Variants in MARCHF8 observed in about 807,000 individuals in gnomAD.
The protein encoded by MARCHF8 is membrane associated ring-CH-type finger 8.
In MARCHF8, 40 loss-of-function variants were observed where a neutral mutation model predicts 51.6. The observed-to-expected ratio is 0.77, with a 90% CI of 0.60 to 1.01. The LOEUF (loss-of-function observed/expected upper bound fraction) is 1.01, where lower values mean the gene tolerates loss of function less well. Among genes scored for constraint, MARCHF8 ranks in the 50% least tolerant of loss-of-function variants. MARCHF8 has a pLI of 0.00. For missense variants in MARCHF8, 685 were observed against 708.6 expected, an observed-to-expected ratio of 0.97 and a Z score of 0.38; for synonymous variants, 263 against 280.3, an observed-to-expected ratio of 0.94 and a Z score of 0.62.
At chr10:45,522,769 CAT>C (rs1200294024) in intron 2 of MARCHF8, among the ~76,000 whole-genome samples, 1 of 152,104 alleles carries the variant, frequency 6.6e-6, no homozygotes, top group African/African-American at 2.4e-5. Context: ...CAGAAACAAA[CAT>C]GAAAAACACA....
At chr10:45,489,304 A>G (rs2043040740) in intron 3 of MARCHF8, 63 bp downstream of exon 3, 1 of 1,242,230 alleles carries the variant, frequency 8.1e-7, no homozygotes, top group Non-Finnish European at 1.2e-6. Flanking sequence ...GTATAAACAC[A>G]TGTAAGGCAT....
intron 1 of MARCHF8, among the ~76,000 whole-genome samples, chr10:45,565,809 C>A (rs1476138935): frequency 6.6e-6 from 1 of 152,122 alleles, no homozygotes; most frequent in Admixed American, 6.6e-5. Flanking sequence ...GTATTAAGTC[C>A]GTGCAAGCCT....
chr10:45,458,350 T>C lies in MARCHF8; in HGVS notation c.1611A>G (p.Leu537=). 6.2e-7 allele frequency: 1 copy of C among 1,614,196 alleles called. No homozygotes were observed. Among genetic ancestry groups the C allele is most frequent in the Admixed American group, 1.7e-5 (1 of 60,034 alleles). Residue 537 remains leucine (L), a synonymous_variant, in exon 8 of 8, where the codon CTA becomes CTG. Transcript: ENST00000453424. Reference sequence around the variant, plus strand: ...GTTTATTTTCAAAGTTGGGCTCTGTTAGTGGAGATTTTTCAAAAATATTCT... The same window carrying C: ...GTTTATTTTCAAAGTTGGGCTCTGTCAGTGGAGATTTTTCAAAAATATTCT... ...SKKNIFEKSP[L]TEPNFENKHG...
chr10:45,486,294 G>A (rs558522562), intron 3 of MARCHF8, among the ~76,000 whole-genome samples: 3 of 152,180 alleles, frequency 2.0e-5, no homozygotes, highest in Admixed American at 6.5e-5. Context: ...GGCCGGGCAC[G>A]GTGGCTCACG....
rs2043208680 is a variant in MARCHF8 at position 45,498,143 on chromosome 10, C to A, written c.103-8726G>T. ...CATTTTAATTGTGGCAAAATACACA[C>A]AATGTAAACACACCATCATATAAAG... On this transcript the variant is annotated intron_variant, in intron 2 of 7. Transcript: ENST00000453424. 2.6e-5 allele frequency among the ~76,000 whole-genome samples: 4 copies of A among 152,140 alleles called. 1 individual carries two copies. In the South Asian group the frequency reaches 8.3e-4, roughly 32 times the overall value.
intron 1 of MARCHF8, among the ~76,000 whole-genome samples, chr10:45,543,191 C>T (rs2133313145): frequency 6.6e-6 from 1 of 152,292 alleles, no homozygotes; most frequent in Middle Eastern, 3.4e-3. Context: ...TGACATAACA[C>T]CGTCCTAGTG....
chr10:45,513,379 G>A (rs966886214), intron 2 of MARCHF8, among the ~76,000 whole-genome samples: 4 of 152,034 alleles, frequency 2.6e-5, no homozygotes, highest in East Asian at 1.9e-4. Flanking sequence ...CACCTACTAT[G>A]AGCCAGGTAC....
intron 2 of MARCHF8, among the ~76,000 whole-genome samples, chr10:45,491,405 GCACGTGC>G (rs1246004759): frequency 6.6e-6 from 1 of 152,132 alleles, no homozygotes; most frequent in Non-Finnish European, 1.5e-5. Flanking sequence ...GGGCATGGTG[GCACGTGC>G]CTATAATCCC....
intron 1 of MARCHF8, among the ~76,000 whole-genome samples, chr10:45,541,894 C>T (rs1323255881): frequency 6.6e-6 from 1 of 152,312 alleles, no homozygotes; most frequent in East Asian, 1.9e-4. Context: ...AACAACAAGG[C>T]TTTGGACTGT....
At chr10:45,468,604 C>T (rs1291216901) in intron 3 of MARCHF8, among the ~76,000 whole-genome samples, 1 of 152,136 alleles carries the variant, frequency 6.6e-6, no homozygotes, top group African/African-American at 2.4e-5. Flanking sequence ...CAAGGAGGAA[C>T]GTGAAGACAG....
chr10:45,576,848 G>T (rs997491319), intron 1 of MARCHF8, among the ~76,000 whole-genome samples: 1 of 151,110 alleles, frequency 6.6e-6, no homozygotes, highest in Non-Finnish European at 1.5e-5. Context: ...TCCCAGCTAC[G>T]CACGAAGCTA....
chr10:45,540,726 AAAAC>A (rs1235242991), intron 1 of MARCHF8, among the ~76,000 whole-genome samples: 5 of 152,354 alleles, frequency 3.3e-5, no homozygotes, highest in South Asian at 2.1e-4. Flanking sequence ...TTACAAGAAA[AAAAC>A]AAACAACCCC....
chr10:45,464,504 T>C (rs1589075857), intron 3 of MARCHF8, among the ~76,000 whole-genome samples, 177 bp from the exon 4 acceptor site: 1 of 152,244 alleles, frequency 6.6e-6, no homozygotes, highest in Non-Finnish European at 1.5e-5. Context: ...ATCACTATTT[T>C]TTTCTTATCT....
At chr10:45,533,776 C>T (rs866004065) in intron 1 of MARCHF8, among the ~76,000 whole-genome samples, 3 of 152,128 alleles carry the variant, frequency 2.0e-5, no homozygotes, top group Non-Finnish European at 4.4e-5. Context: ...AGACTCTACA[C>T]GAGCTGTTGG....
chr10:45,476,877 C>G (rs71494788), intron 3 of MARCHF8, among the ~76,000 whole-genome samples: 7,163 of 151,826 alleles, frequency 0.047, 252 homozygotes, highest in Non-Finnish European at 0.067. Context: ...ATGAAATGAC[C>G]AAATATTCAA....
chr10:45,459,932 A>G (rs1842733352), intron 6 of MARCHF8: 1 of 976,448 alleles, frequency 1.0e-6, no homozygotes, highest in African/African-American at 1.8e-5. Context: ...AACAATGTGT[A>G]AACACTCTGC....
chr10:45,505,287 C>A (rs749607898), intron 2 of MARCHF8, among the ~76,000 whole-genome samples: 160 of 152,224 alleles, frequency 1.1e-3, no homozygotes, highest in Non-Finnish European at 2.0e-3. Flanking sequence ...TGGGTCCCCA[C>A]TCCCAGTCCT....
intron 2 of MARCHF8, among the ~76,000 whole-genome samples, chr10:45,515,732 T>A (rs912840399): frequency 2.0e-5 from 3 of 152,184 alleles, no homozygotes; most frequent in Non-Finnish European, 4.4e-5. Context: ...GGACATTCGA[T>A]CTGGCTTGTG....
intron 1 of MARCHF8, among the ~76,000 whole-genome samples, chr10:45,582,914 T>G (rs2044571078): frequency 6.6e-6 from 1 of 152,198 alleles, no homozygotes; most frequent in African/African-American, 2.4e-5. Flanking sequence ...AAATATTTCT[T>G]ATTGATTTCA....
Sources: gnomAD v4.1 joint callset for allele counts (sites outside exome capture counted in the v4.1 genomes callset) on GRCh38, gnomAD v4.1.1 for gene constraint, MANE v1.5 for transcripts, NCBI Gene and HGNC (gene_info 2026-07-23, HGNC 2026-07-21) for gene names.